Variants in GDI2 observed in about 807,000 individuals in gnomAD.
GDI2 encodes the protein GDP dissociation inhibitor 2, also known as rab GDP dissociation inhibitor beta.
In GDI2, 22 loss-of-function variants were observed where a neutral mutation model predicts 54.2. That is an observed-to-expected ratio of 0.41 (90% confidence interval 0.29 to 0.58). The LOEUF is 0.58. Among genes scored for constraint, GDI2 ranks in the 20% least tolerant of loss-of-function variants. The pLI, the probability that GDI2 is intolerant of heterozygous loss-of-function variation, is 0.35. For synonymous variants in GDI2, 177 were observed against 182.1 expected (o/e 0.97, Z 0.23); for missense variants, 422 against 546.0 (o/e 0.77, Z 2.26).
At position 5,773,929 on chromosome 10, in the gene GDI2, A is replaced by T. The variant is rs1171445424; in HGVS notation, c.732T>A (p.Ile244=). The T allele has an allele frequency of 2.0e-6, 3 of 1,485,056 alleles. No individual in the cohort carries two copies. Among genetic ancestry groups the T allele is most frequent in the Admixed American group, 3.7e-5 (2 of 54,788 alleles). 92.0% of individuals were successfully genotyped at this position (1,485,056 alleles called of 1,614,324 possible). A position where few individuals can be genotyped will look rare whatever the true frequency, so the allele number is the denominator to read the frequency against. Residue 244 remains isoleucine, a synonymous_variant, in exon 7 of 11, where the codon ATT becomes ATA. Coordinates refer to ENST00000380191, the MANE Select transcript of GDI2 (RefSeq NM_001494.4). ...TATTCAGCATATAGGTACCTCCATA[A>T]ATAGCACTTAGCCTGGAAAATTTTT... is the stretch of plus-strand genomic sequence containing the variant. ...LPQGFARLSA[I]YGGTYMLNKP...
At chr10:5,804,144 A>T (rs1456093719) in intron 1 of GDI2, among the ~76,000 whole-genome samples, 1 of 151,140 alleles carries the variant, frequency 6.6e-6, no homozygotes, top group Non-Finnish European at 1.5e-5. Flanking sequence ...CCCAGACTGG[A>T]GTGCAGTGGC....
At chr10:5,767,324 T>C (rs913875486) in intron 8 of GDI2, among the ~76,000 whole-genome samples, 3 of 151,922 alleles carry the variant, frequency 2.0e-5, no homozygotes, top group African/African-American at 7.3e-5. Context: ...ATTGGTTTTT[T>C]TTTGTGTTTT....
chr10:5,785,077 C>G lies in GDI2; in HGVS notation c.719+65G>C, dbSNP rs746098162. ...TCTCATCTCATTATTTAAACTATAT[C>G]TCATATACACATTATGTTGAAGATG... is the stretch of plus-strand genomic sequence containing the variant. On this transcript the variant is annotated intron_variant, in intron 6 of 10. Transcript: ENST00000380191. 6.3e-6 allele frequency: 7 copies of G among 1,116,146 alleles called. No individual in the cohort carries two copies. The East Asian group carries it at 1.7e-4, about 28-fold the overall frequency. 69.1% of individuals were successfully genotyped at this position (1,116,146 alleles called of 1,614,324 possible).
At chr10:5,796,364 AAAAG>A (rs1841148758) in intron 3 of GDI2, among the ~76,000 whole-genome samples, 1 of 152,082 alleles carries the variant, frequency 6.6e-6, no homozygotes, top group Non-Finnish European at 1.5e-5. Flanking sequence ...AAAAAAAAGA[AAAAG>A]AAAACTTAGA....
At chr10:5,771,904 A>G (rs1022218846) in intron 7 of GDI2, among the ~76,000 whole-genome samples, 19 of 152,160 alleles carry the variant, frequency 1.2e-4, no homozygotes, top group Non-Finnish European at 8.8e-5. Flanking sequence ...AGCCTGGCCA[A>G]CATGGTGAAA....
chr10:5,797,167 T>G (rs1472505022), intron 2 of GDI2, among the ~76,000 whole-genome samples: 1 of 152,156 alleles, frequency 6.6e-6, no homozygotes, highest in East Asian at 1.9e-4. Flanking sequence ...CCCAGCACTT[T>G]GTAATCCATG....
intron 1 of GDI2, among the ~76,000 whole-genome samples, chr10:5,801,867 AG>A (rs1841276525): frequency 6.6e-6 from 1 of 151,720 alleles, no homozygotes; most frequent in African/African-American, 2.4e-5. Flanking sequence ...AAAAATTAGC[AG>A]GGCATGGTGG....
rs766256637 is a variant in GDI2, at chr10:5,773,796, T to C, written c.819+46A>G. ...AATCAATATTTAGAATACACAACTT[T>C]CTTCACAAGAACATAGTAATTTTTT... On this transcript the variant is annotated intron_variant, in intron 7 of 10. Coordinates refer to ENST00000380191, the MANE Select transcript of GDI2 (RefSeq NM_001494.4). 4 of 830,624 alleles carry C rather than the reference T, an allele frequency of 4.8e-6. No homozygotes were observed. In the African/African-American group the frequency reaches 6.8e-5, roughly 14 times the overall value. The allele number at this position is 830,624 out of a possible 1,614,324, so 51.5% of individuals were successfully genotyped here. A position where few individuals can be genotyped will look rare whatever the true frequency, so the allele number is the denominator to read the frequency against.
chr10:5,792,033 G>A (rs1841029476), intron 4 of GDI2, among the ~76,000 whole-genome samples: 1 of 152,146 alleles, frequency 6.6e-6, no homozygotes, highest in Non-Finnish European at 1.5e-5. Flanking sequence ...GATCTAGATA[G>A]CATATTATAT....
intron 7 of GDI2, among the ~76,000 whole-genome samples, chr10:5,772,219 C>G (rs1334943584): frequency 6.6e-6 from 1 of 152,186 alleles, no homozygotes; most frequent in Non-Finnish European, 1.5e-5. Context: ...ACCCCAACCC[C>G]ACAAAGGTGG....
intron 3 of GDI2, 55 bp from the exon 4 acceptor site, chr10:5,795,074 A>AC (rs1275344369): frequency 1.7e-5 from 19 of 1,128,098 alleles, no homozygotes; most frequent in Middle Eastern, 4.0e-4. Flanking sequence ...TATAAAGAAC[A>AC]TTTACTAATA....
At chr10:5,802,699 A>G (rs1429689582) in intron 1 of GDI2, among the ~76,000 whole-genome samples, 1 of 152,236 alleles carries the variant, frequency 6.6e-6, no homozygotes, top group Non-Finnish European at 1.5e-5. Context: ...CAGTGACAAT[A>G]CTAACAAATA....
rs1841516392 is a variant in GDI2, at chr10:5,813,331, G to A, written c.-73C>T. The A allele has an allele frequency of 2.6e-6, 3 of 1,142,146 alleles. No individual in the cohort carries two copies. The South Asian group carries it at 4.0e-5, about 15-fold the overall frequency. 70.8% of individuals were successfully genotyped at this position (1,142,146 alleles called of 1,614,324 possible). ...GGCTCCGTGACCACCCTACGAGGCTGGGAGGCGCTCTTGGGCGCGAAGGAA... is the reference window on the plus strand; with the variant it reads ...GGCTCCGTGACCACCCTACGAGGCTAGGAGGCGCTCTTGGGCGCGAAGGAA... On this transcript the variant is annotated 5_prime_UTR_variant, in exon 1 of 11. Transcript: ENST00000380191.
chr10:5,776,798 T>A lies in GDI2; in HGVS notation c.720-2857A>T. 6.6e-7 allele frequency: 1 copy of A among 1,523,756 alleles called. No homozygotes were observed. The allele number at this position is 1,523,756 out of a possible 1,614,324, so 94.4% of individuals were successfully genotyped here. A position where few individuals can be genotyped will look rare whatever the true frequency, so the allele number is the denominator to read the frequency against. On this transcript the variant is annotated intron_variant, in intron 6 of 10. Coordinates refer to ENST00000380191, the MANE Select transcript of GDI2 (RefSeq NM_001494.4). The surrounding 1 kb of genome is among the most constrained non-coding windows in gnomAD (Gnocchi z 5.3). ...AATCCCCAATCTTCCTCCCTTGGAT[T>A]TTCCATCTCCAGAACTTCCCCTTAT...
intron 1 of GDI2, among the ~76,000 whole-genome samples, chr10:5,813,007 T>C (rs1030123293): frequency 6.6e-6 from 1 of 151,824 alleles, no homozygotes; most frequent in Non-Finnish European, 1.5e-5. Flanking sequence ...TTTCCCCGCC[T>C]GCCCCTCACA....
intron 1 of GDI2, among the ~76,000 whole-genome samples, chr10:5,808,038 AC>A (rs1385926443): frequency 6.6e-6 from 1 of 152,172 alleles, no homozygotes; most frequent in Non-Finnish European, 1.5e-5. Context: ...CTAGTGACAA[AC>A]TAAACTCTAT....
At position 5,768,247 on chromosome 10, in the gene GDI2, G is replaced by T. The variant is rs1475334194; in HGVS notation, c.957C>A (p.Ile319=). The change falls in exon 8 of 11, where the codon ATC becomes ATA. Residue 319 remains isoleucine, a synonymous_variant. Transcript: ENST00000380191. The surrounding 1 kb of genome is among the most constrained non-coding windows in gnomAD (Gnocchi z 4.4). The stretch of plus-strand genomic sequence containing the variant: ...GATTGACTTGGTTCTGTGGAATAAT[G>T]ATCTGGCAGGAGTTGGCATCATTGG... ...KNTNDANSCQ[I]IIPQNQVNRK... 3.1e-6 allele frequency: 5 copies of T among 1,613,232 alleles called. No homozygotes were observed. Among genetic ancestry groups the T allele is most frequent in the Admixed American group, 1.7e-5 (1 of 60,032 alleles).
chr10:5,787,248 T>C (rs897790139), intron 4 of GDI2, among the ~76,000 whole-genome samples: 4 of 152,254 alleles, frequency 2.6e-5, no homozygotes, highest in African/African-American at 9.6e-5. Context: ...CTCACGCCTA[T>C]AATCCCAGCA....
At chr10:5,806,282 T>C (rs1187665062) in intron 1 of GDI2, among the ~76,000 whole-genome samples, 1 of 151,974 alleles carries the variant, frequency 6.6e-6, no homozygotes, top group Non-Finnish European at 1.5e-5. Context: ...AATAGTTGAT[T>C]AATGATTAGG....
Sources: gnomAD v4.1 joint callset for allele counts (sites outside exome capture counted in the v4.1 genomes callset) on GRCh38, gnomAD v4.1.1 for gene constraint, Gnocchi (gnomAD v3.1) non-coding constraint, MANE v1.5 for transcripts, NCBI Gene and HGNC (gene_info 2026-07-23, HGNC 2026-07-21) for gene names.